Variants in IRAK1BP1 observed in about 807,000 individuals in gnomAD.
IRAK1BP1 encodes interleukin 1 receptor associated kinase 1 binding protein 1.
A neutral mutation model predicts 28.0 loss-of-function variants in IRAK1BP1; 24 were observed. The ratio of observed to expected loss-of-function variants is 0.86; its 90% confidence interval spans 0.62 to 1.20. IRAK1BP1 has a LOEUF of 1.20. Among genes scored for constraint, IRAK1BP1 ranks in the 50% most tolerant of loss-of-function variants. The pLI, the probability that IRAK1BP1 is intolerant of heterozygous loss-of-function variation, is 0.00. For synonymous variants in IRAK1BP1, 131 were observed against 116.3 expected, an observed-to-expected ratio of 1.13 and a Z score of -0.81; for missense variants, 336 against 316.7, an observed-to-expected ratio of 1.06 and a Z score of -0.46.
the IRAK1BP1 span, among the ~76,000 whole-genome samples, chr6:78,973,155 C>T: frequency 5.9e-5 from 9 of 152,112 alleles, no homozygotes; most frequent in Admixed American, 5.2e-4. Flanking sequence ...CAAAGGGAAG[C>T]CCATTAGACT....
chr6:78,915,632 C>T (rs1238246035), intron 4 of IRAK1BP1, among the ~76,000 whole-genome samples: 1 of 152,182 alleles, frequency 6.6e-6, no homozygotes, highest in Non-Finnish European at 1.5e-5. Flanking sequence ...TCCCCAACAG[C>T]CTTGCCAAAC....
chr6:78,920,026 C>T (rs946920346), intron 4 of IRAK1BP1, among the ~76,000 whole-genome samples: 3 of 152,142 alleles, frequency 2.0e-5, no homozygotes, highest in African/African-American at 7.2e-5. Context: ...GAGGCCAAGA[C>T]AGGTGGATCA....
At chr6:78,954,469 C>CT in the IRAK1BP1 span, among the ~76,000 whole-genome samples, 1 of 151,834 alleles carries the variant, frequency 6.6e-6, no homozygotes, top group East Asian at 1.9e-4. Flanking sequence ...AGGCATTATT[C>CT]TTTTTTTCTA....
chr6:78,945,710 A>T (rs1773775513), exon 5 of IRAK1BP1: 1 of 601,540 alleles, frequency 1.7e-6, no homozygotes, highest in East Asian at 2.9e-5. Flanking sequence ...CCATCATTTC[A>T]AAATTTCGAA....
the IRAK1BP1 span, chr6:78,970,948 G>T: frequency 1.8e-6 from 2 of 1,108,362 alleles, no homozygotes; most frequent in Non-Finnish European, 2.6e-6. Flanking sequence ...CAATATACAG[G>T]GTATCAGCTG....
At chr6:78,961,863 CAAG>C in the IRAK1BP1 span, 9 of 1,399,120 alleles carry the variant, frequency 6.4e-6, no homozygotes, top group African/African-American at 1.5e-5. Context: ...TAAAATAATT[CAAG>C]AAGAATTCTG....
chr6:78,895,515 A>G (rs1346155175), intron 2 of IRAK1BP1, among the ~76,000 whole-genome samples: 1 of 152,162 alleles, frequency 6.6e-6, no homozygotes, highest in African/African-American at 2.4e-5. Context: ...GGACACACAC[A>G]CGTATCCTTT....
chr6:78,968,815 C>T, the IRAK1BP1 span, among the ~76,000 whole-genome samples: 1 of 152,122 alleles, frequency 6.6e-6, no homozygotes, highest in African/African-American at 2.4e-5. Context: ...ACAGCTCAAG[C>T]TGTAAAAAAC....
chr6:78,878,156 G>A (rs973786029), intron 1 of IRAK1BP1, among the ~76,000 whole-genome samples: 2 of 152,286 alleles, frequency 1.3e-5, no homozygotes, highest in Admixed American at 1.3e-4. Context: ...GGTTCTCCCA[G>A]CACGGAGTTT....
the IRAK1BP1 span, chr6:78,965,651 CTT>C: frequency 1.0e-6 from 1 of 995,580 alleles, no homozygotes; most frequent in Non-Finnish European, 1.5e-6. Context: ...TAAATAATTT[CTT>C]AAGAAATTAA....
At chr6:78,914,052 AATT>A (rs1320945423) in intron 4 of IRAK1BP1, among the ~76,000 whole-genome samples, 1 of 152,216 alleles carries the variant, frequency 6.6e-6, no homozygotes. Flanking sequence ...AAATGTTACA[AATT>A]TCACTTGTAA....
downstream of IRAK1BP1, among the ~76,000 whole-genome samples, chr6:78,947,193 T>C (rs886288220): frequency 6.6e-6 from 1 of 152,200 alleles, no homozygotes; most frequent in Non-Finnish European, 1.5e-5. Flanking sequence ...TTTGAACCTG[T>C]TTTCTATCTA....
intron 4 of IRAK1BP1, chr6:78,937,545 T>C (rs796157315): frequency 6.6e-6 from 1 of 151,716 alleles, no homozygotes; most frequent in South Asian, 2.1e-4. Flanking sequence ...ATCCCAAGTC[T>C]CAGATGTTAC....
intron 1 of IRAK1BP1, chr6:78,871,403 A>G: frequency 1.0e-6 from 1 of 985,484 alleles, no homozygotes; most frequent in Non-Finnish European, 1.2e-6. Context: ...TTCCTTTAAC[A>G]CAGTGCAACC....
intron 4 of IRAK1BP1, among the ~76,000 whole-genome samples, chr6:78,932,237 T>C (rs986815361): frequency 2.0e-5 from 3 of 152,058 alleles, no homozygotes; most frequent in Admixed American, 2.0e-4. Flanking sequence ...CCATGAGGGT[T>C]GGAATCAACT....
At chr6:78,889,661 A>G (rs1197562951) in intron 2 of IRAK1BP1, among the ~76,000 whole-genome samples, 2 of 152,192 alleles carry the variant, frequency 1.3e-5, no homozygotes, top group African/African-American at 4.8e-5. Flanking sequence ...GCCAGCAAAC[A>G]TGAAAAAAAG....
At chr6:78,976,201 A>C in the IRAK1BP1 span, among the ~76,000 whole-genome samples, 3 of 149,538 alleles carry the variant, frequency 2.0e-5, no homozygotes, top group East Asian at 2.0e-4. Context: ...AACAGAACAG[A>C]GCCCTCAGAA....
intron 1 of IRAK1BP1, among the ~76,000 whole-genome samples, chr6:78,877,633 G>A (rs1309184339): frequency 1.3e-5 from 2 of 152,158 alleles, no homozygotes; most frequent in Non-Finnish European, 2.9e-5. Context: ...GGGCTTGTCA[G>A]ACAGTGGGTG....
intron 4 of IRAK1BP1, among the ~76,000 whole-genome samples, chr6:78,912,075 T>C (rs989472231): frequency 6.6e-6 from 1 of 152,130 alleles, no homozygotes; most frequent in African/African-American, 2.4e-5. Flanking sequence ...ATCCAGAAAA[T>C]TGACTTGGCA....
Sources: allele counts gnomAD v4.1 joint callset (sites outside exome capture counted in the v4.1 genomes callset), GRCh38; gene constraint gnomAD v4.1.1; transcripts MANE v1.5; gene names NCBI Gene and HGNC (gene_info 2026-07-23, HGNC 2026-07-21).